Variants in CLPX observed in about 807,000 individuals in gnomAD.
The protein encoded by CLPX is ATP-dependent clpX-like chaperone, mitochondrial.
Under a neutral mutation model 76.4 loss-of-function variants are expected in CLPX, and 34 were observed. That is an observed-to-expected ratio of 0.45 (90% CI 0.34 to 0.59). The LOEUF is 0.59. Among genes scored for constraint, CLPX ranks in the 20% least tolerant of loss-of-function variants. The probability of loss-of-function intolerance (pLI) is 0.01; values close to 1 mark genes in which losing one functional copy is unlikely to be tolerated. For missense variants in CLPX, 613 were observed against 757.0 expected (o/e 0.81, Z 2.23); for synonymous variants, 248 against 270.9 (o/e 0.92, Z 0.83).
chr15:65,152,752 A>C (rs576490722), intron 12 of CLPX, among the ~76,000 whole-genome samples: 1 of 151,206 alleles, frequency 6.6e-6, no homozygotes, highest in African/African-American at 2.4e-5. Context: ...TAAGCCACCA[A>C]ATCTGGCCAA....
chr15:65,180,116 G>T lies in CLPX; in HGVS notation c.168C>A (p.Ser56=), dbSNP rs778254090. The change falls in exon 2 of 14, where the codon TCC becomes TCA. Residue 56 remains serine (S), a synonymous_variant. Coordinates refer to ENST00000300107, the MANE Select transcript of CLPX (RefSeq NM_006660.5). ...TQILQRAPLR[S]FTETPAYFAS... ...CAAAGTATGCTGGTGTTTCTGTAAAGGATCTAAGAGGAGCTCTTTGCAGAA... is the reference window on the plus strand; with the variant it reads ...CAAAGTATGCTGGTGTTTCTGTAAATGATCTAAGAGGAGCTCTTTGCAGAA... 1 of 1,612,012 alleles carries T rather than the reference G, an allele frequency of 6.2e-7. No homozygotes were observed. The highest frequency in any genetic ancestry group is 8.5e-7 in the Non-Finnish European group (1 of 1,178,744).
intron 3 of CLPX, among the ~76,000 whole-genome samples, chr15:65,176,712 C>T (rs901353469): frequency 1.3e-5 from 2 of 151,186 alleles, no homozygotes; most frequent in Non-Finnish European, 2.9e-5. Flanking sequence ...TCTCCTGCCT[C>T]GGCTTCCTGA....
chr15:65,155,802 G>A lies in CLPX; in HGVS notation c.1201C>T (p.Arg401Ter), dbSNP rs1399479428. 2 of 1,613,868 alleles carry A rather than the reference G, an allele frequency of 1.2e-6. No individual in the cohort carries two copies. Among genetic ancestry groups the A allele is most frequent in the South Asian group, 1.1e-5 (1 of 91,046 alleles). The stretch of plus-strand genomic sequence containing the variant: ...TGAACTGTTTCTCCACGGAGCTTTC[G>A]GGAATTCTTTTCTGGAACATTGACT... ...TIVNVPEKNS[R>*]KLRGETVQVD... The change falls in exon 10 of 14, where the codon CGA becomes TGA. Residue 401 changes from arginine to a stop codon, truncating the protein, a stop_gained. Coordinates refer to ENST00000300107, the MANE Select transcript of CLPX (RefSeq NM_006660.5). LOFTEE classifies it high-confidence loss of function.
rs2087695677 is a variant in CLPX, at chr15:65,149,667, C to T, written c.*1156G>A. 8 of 389,096 alleles carry T rather than the reference C, an allele frequency of 2.1e-5. No individual in the cohort carries two copies. Among genetic ancestry groups the T allele is most frequent in the Middle Eastern group, 4.1e-4 (1 of 2,422 alleles). The allele number at this position is 389,096 out of a possible 1,614,324, so 24.1% of individuals were successfully genotyped here. ...ACAAGGTCAGGAGTTACAGACTAGC[C>T]TGGCCAACAGGGTGAAACCCTGTCT... On this transcript the variant is annotated 3_prime_UTR_variant, in exon 14 of 14. Coordinates refer to ENST00000300107, the MANE Select transcript of CLPX (RefSeq NM_006660.5).
rs2140618686 is a variant in CLPX, at chr15:65,158,129, C to A, written c.893-219G>T. 1.5e-5 allele frequency: 6 copies of A among 411,136 alleles called. No homozygotes were observed. The South Asian group carries it at 1.9e-4, about 13-fold the overall frequency. The allele number at this position is 411,136 out of a possible 1,614,324, so 25.5% of individuals were successfully genotyped here. ...CTCACTCCAGCCTCAATCTCCTGGGCTTAAGTGATCCTCCTGCCTCAGCCT... is the reference window on the plus strand; with the variant it reads ...CTCACTCCAGCCTCAATCTCCTGGGATTAAGTGATCCTCCTGCCTCAGCCT... On this transcript the variant is annotated intron_variant, in intron 7 of 13. Coordinates refer to ENST00000300107, the MANE Select transcript of CLPX (RefSeq NM_006660.5).
At chr15:65,151,456 GAAAAAAAAAAA>G (rs529752332) in intron 13 of CLPX, among the ~76,000 whole-genome samples, 16 of 74,596 alleles carry the variant, frequency 2.1e-4, no homozygotes, top group East Asian at 4.7e-4. Flanking sequence ...ATTACTGGGA[GAAAAAAAAAAA>G]AAAAAAAAAA....
rs2087733347 is a variant in CLPX at position 65,152,438 on chromosome 15, T to A, written c.1803A>T (p.Gly601=). Residue 601 remains glycine (G), a synonymous_variant, in exon 13 of 14, where the codon GGA becomes GGT. Coordinates refer to ENST00000300107, the MANE Select transcript of CLPX (RefSeq NM_006660.5). ...KEVVEGKKEP[G]YIRAPTKESS... Reference sequence around the variant, plus strand: ...TTGAAAATACACTTTACCGGATGTATCCTGGTTCCTTTTTTCCTTCTACTA... The same window carrying A: ...TTGAAAATACACTTTACCGGATGTAACCTGGTTCCTTTTTTCCTTCTACTA... The A allele has an allele frequency of 3.3e-6, 5 of 1,526,742 alleles. No individual in the cohort carries two copies. Among genetic ancestry groups the A allele is most frequent in the East Asian group, 2.4e-5 (1 of 41,374 alleles). 94.6% of individuals were successfully genotyped at this position (1,526,742 alleles called of 1,614,324 possible).
At position 65,152,473 on chromosome 15, in the gene CLPX, C is replaced by T; in HGVS notation, c.1768G>A (p.Asp590Asn). 1 of 1,562,676 alleles carries T rather than the reference C, an allele frequency of 6.4e-7. No homozygotes were observed. Among genetic ancestry groups the T allele is most frequent in the East Asian group, 2.4e-5 (1 of 42,158 alleles). ...TTTTTTCCTTCTACTACTTCTTTGT[C>T]AACCTCCACACATACGATATCAGAA... is the stretch of plus-strand genomic sequence containing the variant. Reference protein sequence around the residue: ...PNSDIVCVEVDKEVVEGKKEP... With the variant: ...PNSDIVCVEVNKEVVEGKKEP... Residue 590 changes from aspartate (D) to asparagine (N), a missense_variant, in exon 13 of 14, where the codon GAC becomes AAC. By Grantham distance (23) the Asp-to-Asn change is conservative (BLOSUM62 1). Coordinates refer to ENST00000300107, the MANE Select transcript of CLPX (RefSeq NM_006660.5).
chr15:65,165,186 G>A (rs1003658497), intron 4 of CLPX, among the ~76,000 whole-genome samples: 2 of 151,822 alleles, frequency 1.3e-5, no homozygotes, highest in Admixed American at 6.6e-5. Context: ...AAATTAGCTG[G>A]GCATAGTGGT....
chr15:65,159,414 C>G (rs2087826284), intron 6 of CLPX, among the ~76,000 whole-genome samples: 1 of 152,186 alleles, frequency 6.6e-6, no homozygotes, highest in Non-Finnish European at 1.5e-5. Flanking sequence ...AGTTTGAGAA[C>G]AGCCTGGCCA....
In CLPX at chr15:65,158,041, T is replaced by C. The variant is rs2087811429; in HGVS notation, c.893-131A>G. 3 of 725,666 alleles carry C rather than the reference T, an allele frequency of 4.1e-6. No homozygotes were observed. In the East Asian group the frequency reaches 9.2e-5, roughly 22 times the overall value. 45.0% of individuals were successfully genotyped at this position (725,666 alleles called of 1,614,324 possible). A position where few individuals can be genotyped will look rare whatever the true frequency, so the allele number is the denominator to read the frequency against. ...AATTGCTACATCCTTCCTCTGCTATTATTTTTTTTAGAGACAGGTTCTTGC... is the reference window on the plus strand; with the variant it reads ...AATTGCTACATCCTTCCTCTGCTATCATTTTTTTTAGAGACAGGTTCTTGC... On this transcript the variant is annotated intron_variant, in intron 7 of 13. Coordinates refer to ENST00000300107, the MANE Select transcript of CLPX (RefSeq NM_006660.5).
intron 1 of CLPX, among the ~76,000 whole-genome samples, chr15:65,183,033 C>T (rs1205570056): frequency 6.6e-5 from 10 of 150,794 alleles, no homozygotes; most frequent in Admixed American, 6.6e-4. Context: ...CGTGGTGGCG[C>T]GCGCCTGTAA....
intron 3 of CLPX, among the ~76,000 whole-genome samples, chr15:65,171,988 A>G (rs181804414): frequency 6.6e-6 from 1 of 152,254 alleles, no homozygotes; most frequent in African/African-American, 2.4e-5. Context: ...ATTGCAATGC[A>G]CTTTTTTGTT....
Position 65,177,315 on chromosome 15 carries a change from C to T in CLPX, c.358+1619G>A, listed in dbSNP as rs978552073. ...AGCTCCTGACCTCAAGTGATCAGCC[C>T]GCCTCGGCCTCCCAAAGTCCTGTGA... is the stretch of plus-strand genomic sequence containing the variant. On this transcript the variant is annotated intron_variant, in intron 3 of 13. Coordinates refer to ENST00000300107, the MANE Select transcript of CLPX (RefSeq NM_006660.5). Among the ~76,000 whole-genome samples, 7 of 152,076 alleles carry T rather than the reference C, an allele frequency of 4.6e-5. No individual in the cohort carries two copies. In the East Asian group the frequency reaches 5.8e-4, roughly 13 times the overall value.
chr15:65,171,250 C>A (rs534810135), intron 3 of CLPX, among the ~76,000 whole-genome samples: 3 of 151,966 alleles, frequency 2.0e-5, no homozygotes, highest in Non-Finnish European at 4.4e-5. Context: ...AGTTCAAGAC[C>A]AGCCTAGCCA....
intron 10 of CLPX, among the ~76,000 whole-genome samples, chr15:65,155,422 TG>T (rs2140614080): frequency 6.6e-6 from 1 of 152,262 alleles, no homozygotes; most frequent in African/African-American, 2.4e-5. Context: ...GCTAATTTTT[TG>T]TATTTTTAGT....
chr15:65,183,460 C>CAAAA (rs61002905), intron 1 of CLPX, among the ~76,000 whole-genome samples: 556 of 65,780 alleles, frequency 8.5e-3, no homozygotes, highest in African/African-American at 9.7e-3. Flanking sequence ...GACTCTGTCT[C>CAAAA]AAAAAAAAAA....
At chr15:65,178,675 C>T (rs1425365241) in intron 3 of CLPX, among the ~76,000 whole-genome samples, 1 of 150,784 alleles carries the variant, frequency 6.6e-6, no homozygotes, top group East Asian at 1.9e-4. Context: ...TAGCTAAGAC[C>T]ACAGGTATGC....
At chr15:65,160,109 G>A (rs1329984528) in intron 6 of CLPX, among the ~76,000 whole-genome samples, 1 of 152,110 alleles carries the variant, frequency 6.6e-6, no homozygotes, top group East Asian at 1.9e-4. Flanking sequence ...CACCGCGCCT[G>A]GCCTAAATTT....
Sources: gnomAD v4.1 joint callset for allele counts (sites outside exome capture counted in the v4.1 genomes callset) on GRCh38, gnomAD v4.1.1 for gene constraint, MANE v1.5 for transcripts, NCBI Gene and HGNC (gene_info 2026-07-23, HGNC 2026-07-21) for gene names.